Variants in CERS6 observed in about 807,000 individuals in gnomAD.
CERS6 encodes the protein LAG1 homolog, ceramide synthase 6.
Under a neutral mutation model 56.8 loss-of-function variants are expected in CERS6, and 26 were observed. The observed-to-expected ratio is 0.46, with a 90% confidence interval of 0.34 to 0.63. The LOEUF (loss-of-function observed/expected upper bound fraction) is 0.63. Ranked by LOEUF, CERS6 falls within the 30% of genes least tolerant of loss-of-function variation. The probability of loss-of-function intolerance (pLI) is 0.01; values close to 1 mark genes in which losing one functional copy is unlikely to be tolerated. For missense variants in CERS6, 415 were observed against 467.5 expected (o/e 0.89, Z 1.04); for synonymous variants, 164 against 173.3 (o/e 0.95, Z 0.42).
At chr2:168,627,860 C>A (rs1684625893) in intron 3 of CERS6, among the ~76,000 whole-genome samples, 1 of 151,426 alleles carries the variant, frequency 6.6e-6, no homozygotes, top group African/African-American at 2.4e-5. Flanking sequence ...ATCTTTGGTT[C>A]ATTTCTCTGG....
intron 1 of CERS6, among the ~76,000 whole-genome samples, chr2:168,468,931 A>T (rs750295873): frequency 1.3e-5 from 2 of 152,324 alleles, no homozygotes; most frequent in South Asian, 2.1e-4. Context: ...ATATTTAGAC[A>T]GCTCAGAAAC....
chr2:168,553,280 A>G (rs1162632875), intron 2 of CERS6, among the ~76,000 whole-genome samples: 3 of 152,236 alleles, frequency 2.0e-5, no homozygotes, highest in African/African-American at 7.2e-5. Flanking sequence ...AAGGAAAAGC[A>G]AAATAAAACA....
chr2:168,644,726 AC>A (rs1381974285), intron 4 of CERS6, among the ~76,000 whole-genome samples: 1 of 152,152 alleles, frequency 6.6e-6, no homozygotes, highest in Non-Finnish European at 1.5e-5. Context: ...AGGAAGACTT[AC>A]CAGGCACTGA....
chr2:168,525,839 G>A (rs541510448), intron 1 of CERS6, among the ~76,000 whole-genome samples: 2 of 152,176 alleles, frequency 1.3e-5, no homozygotes, highest in Non-Finnish European at 2.9e-5. Context: ...TCTATGAGCT[G>A]TTGCCCCTTA....
intron 3 of CERS6, among the ~76,000 whole-genome samples, chr2:168,573,573 A>G (rs756850699): frequency 9.9e-5 from 15 of 152,080 alleles, no homozygotes; most frequent in Non-Finnish European, 2.9e-5. Flanking sequence ...AGACATTCCA[A>G]CCTTGGCACA....
At chr2:168,640,832 T>C (rs1454186724) in intron 4 of CERS6, among the ~76,000 whole-genome samples, 1 of 152,228 alleles carries the variant, frequency 6.6e-6, no homozygotes, top group African/African-American at 2.4e-5. Context: ...CTGGTGTTTG[T>C]GTGGAAAGGG....
intron 8 of CERS6, among the ~76,000 whole-genome samples, chr2:168,720,944 G>A (rs1687349585): frequency 6.6e-6 from 1 of 152,154 alleles, no homozygotes; most frequent in Admixed American, 6.5e-5. Context: ...GTACCATATA[G>A]CTATGCTTCG....
At chr2:168,609,450 A>G (rs1014233033) in intron 3 of CERS6, among the ~76,000 whole-genome samples, 3 of 152,226 alleles carry the variant, frequency 2.0e-5, no homozygotes, top group Non-Finnish European at 4.4e-5. Flanking sequence ...ATATAAGAAT[A>G]TAGTTCATTC....
chr2:168,727,611 A>T (rs1683388026), intron 8 of CERS6, among the ~76,000 whole-genome samples: 1 of 151,798 alleles, frequency 6.6e-6, no homozygotes, highest in Admixed American at 6.6e-5. Context: ...CCATGATAAG[A>T]TTTGAAATTC....
At chr2:168,553,486 CT>C (rs76873311) in intron 2 of CERS6, among the ~76,000 whole-genome samples, 1 of 152,010 alleles carries the variant, frequency 6.6e-6, no homozygotes, top group South Asian at 2.1e-4. Context: ...AATCAGATCT[CT>C]TTTTTTAGGG....
At chr2:168,567,085 G>GA (rs1269585773) in intron 3 of CERS6, among the ~76,000 whole-genome samples, 12 of 152,154 alleles carry the variant, frequency 7.9e-5, no homozygotes, top group African/African-American at 2.2e-4. Context: ...TAAGTCTGGG[G>GA]AAAAAATCAT....
intron 1 of CERS6, among the ~76,000 whole-genome samples, chr2:168,498,786 C>T (rs536333327): frequency 1.8e-4 from 27 of 152,156 alleles, no homozygotes; most frequent in African/African-American, 6.3e-4. Flanking sequence ...GGATGGGCAG[C>T]GTCAGGTGGT....
At chr2:168,504,734 A>T (rs1694645611) in intron 1 of CERS6, among the ~76,000 whole-genome samples, 1 of 152,102 alleles carries the variant, frequency 6.6e-6, no homozygotes, top group Admixed American at 6.5e-5. Context: ...GTTTCTGGAC[A>T]GGCAGTATGG....
chr2:168,665,129 A>G (rs1158101207), intron 4 of CERS6, among the ~76,000 whole-genome samples: 1 of 152,158 alleles, frequency 6.6e-6, no homozygotes, highest in Non-Finnish European at 1.5e-5. Context: ...TTCAACAATC[A>G]TATATGAGGT....
intron 3 of CERS6, among the ~76,000 whole-genome samples, chr2:168,627,499 T>C (rs1684616662): frequency 6.6e-6 from 1 of 152,182 alleles, no homozygotes; most frequent in South Asian, 2.1e-4. Flanking sequence ...TGATTGAGTC[T>C]TCCCTTTCTT....
At chr2:168,618,012 C>T (rs1684360603) in intron 3 of CERS6, among the ~76,000 whole-genome samples, 1 of 152,168 alleles carries the variant, frequency 6.6e-6, no homozygotes, top group South Asian at 2.1e-4. Context: ...AATCCAACAA[C>T]ATGTCAAAAA....
At chr2:168,769,065 A>C (rs907513545) in intron 9 of CERS6, among the ~76,000 whole-genome samples, 10 of 151,202 alleles carry the variant, frequency 6.6e-5, no homozygotes, top group Non-Finnish European at 4.4e-5. Flanking sequence ...TTTTTTTTTC[A>C]GTGTTCTGAG....
At chr2:168,703,136 G>T (rs1182682310) in intron 6 of CERS6, among the ~76,000 whole-genome samples, 7 of 152,104 alleles carry the variant, frequency 4.6e-5, no homozygotes, top group Non-Finnish European at 7.3e-5. Flanking sequence ...CCAACAGTGG[G>T]TATGTTAATA....
chr2:168,659,046 G>A (rs1327285579), intron 4 of CERS6, among the ~76,000 whole-genome samples: 1 of 152,248 alleles, frequency 6.6e-6, no homozygotes, highest in Non-Finnish European at 1.5e-5. Flanking sequence ...ATTTTTCTCA[G>A]CTCTGAATGA....
Sources: gnomAD v4.1 joint callset for allele counts (sites outside exome capture counted in the v4.1 genomes callset) on GRCh38, gnomAD v4.1.1 for gene constraint, MANE v1.5 for transcripts, NCBI Gene and HGNC (gene_info 2026-07-23, HGNC 2026-07-21) for gene names.